Variants in CLVS1 observed in about 807,000 individuals in gnomAD.
CLVS1 encodes the protein clavesin-1.
CLVS1 carries 10 observed loss-of-function variants against 33.1 expected under a neutral mutation model. The ratio of observed to expected loss-of-function variants is 0.30; its 90% CI spans 0.19 to 0.51. The LOEUF (loss-of-function observed/expected upper bound fraction) is 0.51. Among genes scored for constraint, CLVS1 ranks in the 20% least tolerant of loss-of-function variants. CLVS1 has a pLI of 0.97. For missense variants in CLVS1, 343 were observed against 433.4 expected (o/e 0.79, Z 1.85); for synonymous variants, 163 against 166.1 (o/e 0.98, Z 0.14).
intron 1 of CLVS1, among the ~76,000 whole-genome samples, chr8:61,129,819 T>C (rs866085133): frequency 2.6e-5 from 4 of 152,240 alleles, no homozygotes; most frequent in South Asian, 2.1e-4. Flanking sequence ...CTCAGTGACA[T>C]GGGTGTCAAA....
At chr8:61,286,024 C>T (rs1260533428), upstream of CLVS1, among the ~76,000 whole-genome samples, 1 of 134,862 alleles carries the variant, frequency 7.4e-6, no homozygotes, top group Non-Finnish European at 1.7e-5. Flanking sequence ...AATGTGCAGG[C>T]CATTTTTTTT....
chr8:61,121,166 C>T (rs1228135754), intron 1 of CLVS1, among the ~76,000 whole-genome samples: 1 of 151,966 alleles, frequency 6.6e-6, no homozygotes, highest in Non-Finnish European at 1.5e-5. Context: ...CTTTCTTTGA[C>T]TCGGAAAGGG....
At chr8:61,158,894 G>A (rs556423150) in intron 2 of CLVS1, among the ~76,000 whole-genome samples, 17 of 152,138 alleles carry the variant, frequency 1.1e-4, no homozygotes, top group Non-Finnish European at 5.9e-5. Context: ...TTGCAGTACA[G>A]TGGCTCACTG....
At chr8:61,188,264 T>C (rs1585673769) in intron 2 of CLVS1, among the ~76,000 whole-genome samples, 1 of 152,272 alleles carries the variant, frequency 6.6e-6, no homozygotes, top group Middle Eastern at 3.4e-3. Context: ...ATTAAGTTGT[T>C]CCTGATAATG....
intron 3 of CLVS1, among the ~76,000 whole-genome samples, chr8:61,385,442 A>G (rs149591645): frequency 6.6e-6 from 1 of 152,308 alleles, no homozygotes; most frequent in Non-Finnish European, 1.5e-5. Flanking sequence ...GGCATTCTTG[A>G]AGGGACTCTG....
chr8:61,201,090 A>G (rs1415960157), intron 2 of CLVS1, among the ~76,000 whole-genome samples: 1 of 152,208 alleles, frequency 6.6e-6, no homozygotes, highest in Non-Finnish European at 1.5e-5. Flanking sequence ...TATAACTCAC[A>G]CACACACAAA....
upstream of CLVS1, among the ~76,000 whole-genome samples, chr8:61,284,212 G>C (rs1809731229): frequency 6.6e-6 from 1 of 152,172 alleles, no homozygotes; most frequent in Non-Finnish European, 1.5e-5. Flanking sequence ...CCACAGGATG[G>C]AGAGGGCAGG....
At chr8:61,494,373 A>G (rs938295741) in intron 5 of CLVS1, among the ~76,000 whole-genome samples, 1 of 152,184 alleles carries the variant, frequency 6.6e-6, no homozygotes, top group African/African-American at 2.4e-5. Context: ...GCCTTGTTAG[A>G]GTTGCCTACT....
the CLVS1 span, among the ~76,000 whole-genome samples, chr8:60,977,449 A>G: frequency 1.3e-5 from 2 of 152,238 alleles, no homozygotes; most frequent in African/African-American, 2.4e-5. Context: ...AACAAAGGAA[A>G]TCAGAAAAAT....
At chr8:61,410,456 A>G (rs981950180) in intron 3 of CLVS1, among the ~76,000 whole-genome samples, 1 of 152,138 alleles carries the variant, frequency 6.6e-6, no homozygotes, top group African/African-American at 2.4e-5. Flanking sequence ...ATAATTCTAC[A>G]TAATACAAAT....
chr8:61,291,414 A>G (rs754775857), intron 1 of CLVS1, among the ~76,000 whole-genome samples: 14 of 152,164 alleles, frequency 9.2e-5, no homozygotes, highest in Non-Finnish European at 1.8e-4. Context: ...TTTTCTATCT[A>G]TGCTCCTTAA....
chr8:61,265,971 C>T (rs1809295037), intron 2 of CLVS1, among the ~76,000 whole-genome samples: 1 of 152,190 alleles, frequency 6.6e-6, no homozygotes, highest in South Asian at 2.1e-4. Context: ...CATTGTTATT[C>T]CATCTGGGTT....
At chr8:61,258,978 T>C (rs1371885658) in intron 2 of CLVS1, among the ~76,000 whole-genome samples, 2 of 152,098 alleles carry the variant, frequency 1.3e-5, no homozygotes, top group African/African-American at 4.8e-5. Flanking sequence ...ATACAAAACA[T>C]TAAAAAGTTC....
the CLVS1 span, among the ~76,000 whole-genome samples, chr8:61,025,514 CTTG>C: frequency 6.6e-6 from 1 of 152,200 alleles, no homozygotes; most frequent in South Asian, 2.1e-4. Context: ...AGCCTTCCTC[CTTG>C]TTGTTCAGTG....
intron 1 of CLVS1, among the ~76,000 whole-genome samples, chr8:61,295,828 A>G (rs898739012): frequency 6.6e-6 from 1 of 152,104 alleles, no homozygotes; most frequent in African/African-American, 2.4e-5. Context: ...TAATATACTC[A>G]TTTCATACAG....
intron 2 of CLVS1, among the ~76,000 whole-genome samples, chr8:61,171,449 A>G (rs1039844287): frequency 3.3e-5 from 5 of 152,214 alleles, no homozygotes; most frequent in African/African-American, 4.8e-5. Context: ...TCTTACAGAC[A>G]TTTCAGGAAG....
chr8:61,495,465 T>G, intron 5 of CLVS1, among the ~76,000 whole-genome samples: 1 of 152,192 alleles, frequency 6.6e-6, no homozygotes, highest in East Asian at 1.9e-4. Flanking sequence ...TTTCTTTTCA[T>G]AGTGGCTCCC....
chr8:61,403,884 C>T (rs1002726255), intron 3 of CLVS1, among the ~76,000 whole-genome samples: 3 of 152,158 alleles, frequency 2.0e-5, no homozygotes, highest in Non-Finnish European at 2.9e-5. Flanking sequence ...AATGCTGCTT[C>T]GAGAAAGCAG....
At chr8:61,498,991 G>C (rs972407152) in intron 5 of CLVS1, among the ~76,000 whole-genome samples, 1 of 152,176 alleles carries the variant, frequency 6.6e-6, no homozygotes, top group Admixed American at 6.5e-5. Context: ...AGAATATTTA[G>C]ATGCTGGGGC....
Sources: allele counts gnomAD v4.1 joint callset (sites outside exome capture counted in the v4.1 genomes callset), GRCh38; gene constraint gnomAD v4.1.1; transcripts MANE v1.5; gene names NCBI Gene and HGNC (gene_info 2026-07-23, HGNC 2026-07-21).